The following GOLM2 variants were observed in gnomAD, a reference collection of about 807,000 sequenced individuals.
GOLM2 encodes the protein golgi membrane protein 2.
GOLM2 carries 26 observed loss-of-function variants against 55.9 expected under a neutral mutation model. The observed-to-expected ratio is 0.47, with a 90% confidence interval of 0.34 to 0.65. The LOEUF (loss-of-function observed/expected upper bound fraction) is 0.65, where lower values mean the gene tolerates loss of function less well. Ranked by LOEUF, GOLM2 falls within the 30% of genes least tolerant of loss-of-function variation. The probability of loss-of-function intolerance (pLI) is 0.01; values close to 1 mark genes in which losing one functional copy is unlikely to be tolerated. For synonymous variants in GOLM2, 165 were observed against 194.6 expected (o/e 0.85, Z 1.27); for missense variants, 486 against 531.8 (o/e 0.91, Z 0.85).
chr15:44,415,649 T>C lies in GOLM2; in HGVS notation c.*2243T>C, dbSNP rs2079668938. ...ATAATGTTTTACTTCTGCCTTAAGA[T>C]TTAGGTTTTTTAAATGTATTTTTGC... On this transcript the variant is annotated 3_prime_UTR_variant, in exon 10 of 10. Coordinates refer to ENST00000299957, the MANE Select transcript of GOLM2 (RefSeq NM_138423.4). The C allele has an allele frequency of 6.6e-6, 1 of 152,620 alleles. No individual in the cohort carries two copies. The highest frequency in any genetic ancestry group is 2.4e-5 in the African/African-American group (1 of 41,456). 9.5% of individuals were successfully genotyped at this position (152,620 alleles called of 1,614,324 possible). A position where few individuals can be genotyped will look rare whatever the true frequency, so the allele number is the denominator to read the frequency against.
At chr15:44,315,152 G>C (rs2078900833) in intron 1 of GOLM2, among the ~76,000 whole-genome samples, 1 of 152,152 alleles carries the variant, frequency 6.6e-6, no homozygotes, top group South Asian at 2.1e-4. Flanking sequence ...AGCTCCCCAG[G>C]TGATTCTGAG....
chr15:44,369,356 A>T (rs2141183816), intron 6 of GOLM2, among the ~76,000 whole-genome samples: 1 of 150,962 alleles, frequency 6.6e-6, no homozygotes, highest in Admixed American at 6.7e-5. Flanking sequence ...TCTAAAATAG[A>T]GCCTCCCACC....
Position 44,289,328 on chromosome 15 carries a change from G to A in GOLM2, c.299G>A (p.Gly100Asp). The A allele has an allele frequency of 6.2e-7, 1 of 1,613,074 alleles. No homozygotes were observed. Among genetic ancestry groups the A allele is most frequent in the Non-Finnish European group, 8.5e-7 (1 of 1,179,642 alleles). Reference sequence around the variant, plus strand: ...AGCAGCCGGCTGCAGGCCAGAGAGGGCCTCGGGAAGAGATGCGAGGATGAC... The same window carrying A: ...AGCAGCCGGCTGCAGGCCAGAGAGGACCTCGGGAAGAGATGCGAGGATGAC... The part of the protein sequence containing the change: ...RLSSRLQARE[G>D]LGKRCEDDKV... Residue 100 changes from glycine to aspartate, a missense_variant, in exon 1 of 10, where the codon GGC becomes GAC. Gly to Asp is a moderately conservative substitution (Grantham distance 94, BLOSUM62 -1). Coordinates refer to ENST00000299957, the MANE Select transcript of GOLM2 (RefSeq NM_138423.4). This position sits in a 1 kb window ranked among gnomAD's most constrained non-coding sequence, Gnocchi z 4.8.
At chr15:44,292,543 A>G (rs2078728616) in intron 1 of GOLM2, among the ~76,000 whole-genome samples, 1 of 151,962 alleles carries the variant, frequency 6.6e-6, no homozygotes, top group African/African-American at 2.4e-5. Flanking sequence ...TTTTGTAGAG[A>G]TAGGGTGTTG....
Position 44,362,317 on chromosome 15 carries a change from CCTT to C in GOLM2, c.803-17372_803-17370del. Among the ~76,000 whole-genome samples the C allele has an allele frequency of 3.3e-5, 5 of 152,162 alleles. No individual in the cohort carries two copies. The Middle Eastern group carries it at 0.014, about 414-fold the overall frequency. ...ACCCCATTGTCTCAGCCCAAAATCT[CCTT>C]AAGCTGATAAGCAACTTCAGCAGTC... On this transcript the variant is annotated intron_variant, in intron 6 of 9. Transcript: ENST00000299957.
intron 6 of GOLM2, among the ~76,000 whole-genome samples, chr15:44,367,789 CAAA>C (rs751290157): frequency 8.3e-5 from 10 of 120,394 alleles, no homozygotes; most frequent in Admixed American, 8.9e-5. Flanking sequence ...GACTCTGTCT[CAAA>C]AAAAAAAAAA....
chr15:44,387,181 T>TG (rs200019017), intron 8 of GOLM2: 1 of 126,166 alleles, frequency 7.9e-6, no homozygotes, highest in African/African-American at 3.3e-5. Flanking sequence ...AGACCTTGTC[T>TG]GGAAAAAAAA....
At chr15:44,412,896 G>A (rs1223457596) in intron 9 of GOLM2, among the ~76,000 whole-genome samples, 1 of 151,904 alleles carries the variant, frequency 6.6e-6, no homozygotes, top group Non-Finnish European at 1.5e-5. Flanking sequence ...CCAGCTACTT[G>A]GGAGGCTGAG....
At chr15:44,397,107 A>G (rs2141208929) in intron 8 of GOLM2, among the ~76,000 whole-genome samples, 1 of 152,282 alleles carries the variant, frequency 6.6e-6, no homozygotes, top group East Asian at 1.9e-4. Flanking sequence ...CAGTTTTGTT[A>G]CGGAGCAGCA....
chr15:44,325,712 T>C (rs1307018951), intron 2 of GOLM2, among the ~76,000 whole-genome samples: 3 of 152,230 alleles, frequency 2.0e-5, no homozygotes, highest in African/African-American at 4.8e-5. Flanking sequence ...CTGAACTAGC[T>C]AGTTTGATCC....
chr15:44,319,511 C>T (rs908017546), intron 1 of GOLM2, among the ~76,000 whole-genome samples: 3 of 152,104 alleles, frequency 2.0e-5, no homozygotes, highest in East Asian at 1.9e-4. Context: ...TGAGCCACCA[C>T]GCCTGGCCTT....
rs758112799 is a variant in GOLM2, at chr15:44,297,175, G to A, written c.327+7819G>A. 6.6e-5 allele frequency among the ~76,000 whole-genome samples: 10 copies of A among 152,254 alleles called. No individual in the cohort carries two copies. In the Middle Eastern group the frequency reaches 0.01, roughly 155 times the overall value. On this transcript the variant is annotated intron_variant, in intron 1 of 9. Transcript: ENST00000299957. ...GTTACTTGATCGAATTAAAAAAAAC[G>A]TCATTCTGACTGCAGAATAGAGAAC...
intron 6 of GOLM2, among the ~76,000 whole-genome samples, chr15:44,365,771 T>A (rs2079279138): frequency 6.6e-6 from 1 of 152,120 alleles, no homozygotes; most frequent in Non-Finnish European, 1.5e-5. Flanking sequence ...AGACATGTCA[T>A]TATACATTTG....
chr15:44,330,512 T>TG (rs1469903243), intron 3 of GOLM2, among the ~76,000 whole-genome samples: 1 of 126,410 alleles, frequency 7.9e-6, no homozygotes, highest in African/African-American at 3.1e-5. Context: ...AAACTCCATC[T>TG]GGAAAAAAAA....
chr15:44,395,283 C>T (rs1040467006), intron 8 of GOLM2, among the ~76,000 whole-genome samples: 1 of 151,326 alleles, frequency 6.6e-6, no homozygotes, highest in African/African-American at 2.4e-5. Context: ...GCTGGTATTA[C>T]AAGCGTGAGC....
At chr15:44,357,902 G>T (rs971195993) in intron 6 of GOLM2, among the ~76,000 whole-genome samples, 7 of 152,160 alleles carry the variant, frequency 4.6e-5, no homozygotes, top group African/African-American at 7.2e-5. Context: ...AATCAAAGAA[G>T]AATTAAATAA....
At position 44,384,815 on chromosome 15, in the gene GOLM2, A is replaced by C. The variant is rs368508572; in HGVS notation, c.1072+3839A>C. Among the ~76,000 whole-genome samples the C allele has an allele frequency of 4.6e-5, 7 of 151,732 alleles. No homozygotes were observed. The South Asian group carries it at 1.0e-3, about 23-fold the overall frequency. On this transcript the variant is annotated intron_variant, in intron 8 of 9. Transcript: ENST00000299957. Reference sequence around the variant, plus strand: ...TCCAAGCTACTTGGGAGGGTGAGGCAGGAGAATCACTTGAACCAGGGAGTT... The same window carrying C: ...TCCAAGCTACTTGGGAGGGTGAGGCCGGAGAATCACTTGAACCAGGGAGTT...
intron 1 of GOLM2, among the ~76,000 whole-genome samples, chr15:44,304,230 C>CTTCTTTTTTTTTTTTTTTTT (rs1301281420): frequency 1.2e-5 from 1 of 82,874 alleles, no homozygotes; most frequent in African/African-American, 5.0e-5. Flanking sequence ...GGCTCCACTT[C>CTTCTTTTTTTTTTTTTTTTT]TTTTTTTTTT....
At chr15:44,359,699 G>T (rs1463839707) in intron 6 of GOLM2, among the ~76,000 whole-genome samples, 1 of 152,162 alleles carries the variant, frequency 6.6e-6, no homozygotes, top group African/African-American at 2.4e-5. Flanking sequence ...GAAATACAGA[G>T]AATGCCACAA....
Sources: gnomAD v4.1 joint callset for allele counts (sites outside exome capture counted in the v4.1 genomes callset) on GRCh38, gnomAD v4.1.1 for gene constraint, Gnocchi (gnomAD v3.1) non-coding constraint, MANE v1.5 for transcripts, NCBI Gene and HGNC (gene_info 2026-07-23, HGNC 2026-07-21) for gene names.